The following SACM1L variants were observed in gnomAD, a reference collection of about 807,000 sequenced individuals.
SACM1L encodes phosphatidylinositol-3-phosphatase SAC1.
A neutral mutation model predicts 89.5 loss-of-function variants in SACM1L; 32 were observed. That is an observed-to-expected ratio of 0.36 (90% CI 0.27 to 0.48). The LOEUF (loss-of-function observed/expected upper bound fraction) is 0.48, where lower values mean the gene tolerates loss of function less well. SACM1L is among the 20% of genes least tolerant of loss of function. The pLI is 0.99. For missense variants in SACM1L, 543 were observed against 708.5 expected, an observed-to-expected ratio of 0.77 and a Z score of 2.65; for synonymous variants, 213 against 232.8, an observed-to-expected ratio of 0.92 and a Z score of 0.77.
chr3:45,731,129 C>CT (rs1699044504), intron 11 of SACM1L, among the ~76,000 whole-genome samples, 172 bp from the exon 12 acceptor site: 1 of 152,142 alleles, frequency 6.6e-6, no homozygotes, highest in Non-Finnish European at 1.5e-5. Flanking sequence ...ACTATAAAAC[C>CT]TTTAATCGTT....
intron 13 of SACM1L, chr3:45,734,691 C>T (rs1440263566): frequency 6.6e-6 from 1 of 152,144 alleles, no homozygotes; most frequent in Non-Finnish European, 1.5e-5. Flanking sequence ...GTAATCCTTC[C>T]ACCTCAGCCT....
Position 45,722,086 on chromosome 3 carries a change from G to GT in SACM1L, c.765+1_765+2insT. On this transcript the variant is annotated splice_donor_variant, in intron 9 of 19. Transcript: ENST00000389061. LOFTEE classifies it high-confidence loss of function. ...TGGGAGCAAAGCTTCGTTTGTACAGGCAAGTTGTTATGTCTGTTAGGCAGT... is the reference window on the plus strand; with the variant it reads ...TGGGAGCAAAGCTTCGTTTGTACAGGTCAAGTTGTTATGTCTGTTAGGCAGT... 6.3e-7 allele frequency: 1 copy of GT among 1,597,924 alleles called. No homozygotes were observed. Among genetic ancestry groups the GT allele is most frequent in the South Asian group, 1.1e-5 (1 of 89,628 alleles).
intron 5 of SACM1L, 68 bp from the exon 6 acceptor site, chr3:45,713,069 G>T: frequency 7.8e-7 from 1 of 1,277,388 alleles, no homozygotes; most frequent in Non-Finnish European, 1.1e-6. Flanking sequence ...ATTGATTGGT[G>T]TAGTTTTCTT....
At chr3:45,723,897 C>G (rs1482845388) in intron 11 of SACM1L, among the ~76,000 whole-genome samples, 1 of 151,746 alleles carries the variant, frequency 6.6e-6, no homozygotes, top group Admixed American at 6.6e-5. Flanking sequence ...TATAGAATTT[C>G]ATTCTTTTTT....
At chr3:45,699,809 A>G (rs1414263716) in intron 1 of SACM1L, among the ~76,000 whole-genome samples, 1 of 151,556 alleles carries the variant, frequency 6.6e-6, no homozygotes, top group African/African-American at 2.4e-5. Context: ...GGTGTGAGCC[A>G]CCGCGCCCAG....
chr3:45,731,277 T>G (rs1364653934), intron 11 of SACM1L, 24 bp from the exon 12 acceptor site: 2 of 1,535,524 alleles, frequency 1.3e-6, no homozygotes, highest in South Asian at 2.3e-5. Context: ...AACTGGAAAC[T>G]ATGGTGTTTG....
At position 45,722,092 on chromosome 3, in the gene SACM1L, T is replaced by A. The variant is rs1384476620; in HGVS notation, c.765+7T>A. 1 of 1,570,776 alleles carries A rather than the reference T, an allele frequency of 6.4e-7. No individual in the cohort carries two copies. The highest frequency in any genetic ancestry group is 8.7e-7 in the Non-Finnish European group (1 of 1,144,560). ...CAAAGCTTCGTTTGTACAGGCAAGT[T>A]GTTATGTCTGTTAGGCAGTCAGCGA... On this transcript the variant is annotated splice_region_variant and intron_variant, in intron 9 of 19. Transcript: ENST00000389061.
At chr3:45,726,103 T>C (rs1200689689) in intron 11 of SACM1L, among the ~76,000 whole-genome samples, 1 of 152,126 alleles carries the variant, frequency 6.6e-6, no homozygotes, top group Non-Finnish European at 1.5e-5. Context: ...GGTGTGCTAG[T>C]GTTTGGCTGG....
chr3:45,696,233 G>A (rs145316545), intron 1 of SACM1L, among the ~76,000 whole-genome samples: 3,693 of 152,088 alleles, frequency 0.024, 66 homozygotes, highest in Non-Finnish European at 0.036. Context: ...TCCTGACCTC[G>A]TGATCCGCCT....
In SACM1L at chr3:45,731,435, A is replaced by G. The variant is rs1699051715; in HGVS notation, c.1001+55A>G. The G allele has an allele frequency of 6.9e-6, 8 of 1,158,486 alleles. No individual in the cohort carries two copies. The South Asian group carries it at 1.0e-4, about 15-fold the overall frequency. 71.8% of individuals were successfully genotyped at this position (1,158,486 alleles called of 1,614,324 possible). On this transcript the variant is annotated intron_variant, in intron 12 of 19. Transcript: ENST00000389061. ...TTTCAGATCAGATGTGCACTTACAT[A>G]TATGCATGATTACATAGAGCTCACT...
chr3:45,736,513 C>T (rs943283266), intron 14 of SACM1L, among the ~76,000 whole-genome samples: 1 of 152,030 alleles, frequency 6.6e-6, no homozygotes, highest in Non-Finnish European at 1.5e-5. Context: ...TAAAATACCC[C>T]CTTCAGAATG....
At chr3:45,720,864 T>A (rs1046519549) in intron 8 of SACM1L, among the ~76,000 whole-genome samples, 1 of 152,216 alleles carries the variant, frequency 6.6e-6, no homozygotes, top group African/African-American at 2.4e-5. Context: ...GCAAATGTTA[T>A]ATGTAAGAAA....
intron 1 of SACM1L, 198 bp downstream of exon 1, chr3:45,689,695 G>A: frequency 1.5e-6 from 1 of 657,276 alleles, no homozygotes; most frequent in Non-Finnish European, 2.6e-6. Context: ...CGGCTCGCCG[G>A]CCTTTCTCCA....
intron 11 of SACM1L, among the ~76,000 whole-genome samples, chr3:45,728,860 A>G (rs1698984544): frequency 6.6e-6 from 1 of 151,842 alleles, no homozygotes; most frequent in Admixed American, 6.6e-5. Context: ...TTTTATAGAG[A>G]TGGGGGTCTC....
chr3:45,731,579 G>C (rs1289303721), intron 12 of SACM1L, among the ~76,000 whole-genome samples, 199 bp downstream of exon 12: 1 of 152,138 alleles, frequency 6.6e-6, no homozygotes, highest in Non-Finnish European at 1.5e-5. Flanking sequence ...GTCAAGTTTT[G>C]AGTTTAGTCT....
intron 8 of SACM1L, among the ~76,000 whole-genome samples, chr3:45,721,510 G>A (rs959517484): frequency 6.6e-6 from 1 of 152,178 alleles, no homozygotes; most frequent in Non-Finnish European, 1.5e-5. Flanking sequence ...CAACAAGAGC[G>A]AAACTCCGTC....
At chr3:45,692,989 A>G (rs1171719526) in intron 1 of SACM1L, among the ~76,000 whole-genome samples, 1 of 152,246 alleles carries the variant, frequency 6.6e-6, no homozygotes, top group Non-Finnish European at 1.5e-5. Context: ...TTGTACAAAC[A>G]TCAGAGTATA....
intron 19 of SACM1L, among the ~76,000 whole-genome samples, chr3:45,742,346 A>G (rs184944981): frequency 2.6e-5 from 4 of 152,282 alleles, no homozygotes; most frequent in Admixed American, 1.3e-4. Flanking sequence ...GGTTATGGTA[A>G]TATCTGATTT....
intron 11 of SACM1L, 23 bp from the exon 12 acceptor site, chr3:45,731,278 A>G (rs1047365618): frequency 1.3e-5 from 20 of 1,537,410 alleles, no homozygotes; most frequent in East Asian, 4.5e-5. Context: ...ACTGGAAACT[A>G]TGGTGTTTGA....
Sources: allele counts gnomAD v4.1 joint callset (sites outside exome capture counted in the v4.1 genomes callset), GRCh38; gene constraint gnomAD v4.1.1; transcripts MANE v1.5; gene names NCBI Gene and HGNC (gene_info 2026-07-23, HGNC 2026-07-21).